The following MED12L variants were observed in gnomAD, a reference collection of about 807,000 sequenced individuals.
MED12L encodes the protein mediator complex subunit 12L.
Under a neutral mutation model 281.3 loss-of-function variants are expected in MED12L, and 60 were observed. That is an observed-to-expected ratio of 0.21 (90% confidence interval 0.17 to 0.26). The LOEUF is 0.26. MED12L is among the 10% of genes least tolerant of loss of function. The pLI, the probability that MED12L is intolerant of heterozygous loss-of-function variation, is 1.00. For synonymous variants in MED12L, 974 were observed against 987.2 expected, an observed-to-expected ratio of 0.99 and a Z score of 0.25; for missense variants, 2,146 against 2,680.9, an observed-to-expected ratio of 0.80 and a Z score of 4.41.
intron 3 of MED12L, among the ~76,000 whole-genome samples, chr3:151,121,303 T>C (rs1713715523): frequency 6.6e-6 from 1 of 152,234 alleles, no homozygotes; most frequent in South Asian, 2.1e-4. Flanking sequence ...ATGAAGTTGT[T>C]TGTATAAAAA....
intron 16 of MED12L, among the ~76,000 whole-genome samples, chr3:151,194,435 G>A (rs1355528894): frequency 1.3e-5 from 2 of 152,122 alleles, no homozygotes; most frequent in African/African-American, 4.8e-5. Context: ...TCTATAAATG[G>A]CAAGCCCTCA....
Position 151,198,431 on chromosome 3 carries a change from G to A in MED12L, c.2250+4765G>A, listed in dbSNP as rs758987046. 1.0e-5 allele frequency: 16 copies of A among 1,591,656 alleles called. No homozygotes were observed. Among genetic ancestry groups the A allele is most frequent in the Middle Eastern group, 3.3e-4 (2 of 5,998 alleles). ...TAGCACAAAAAATCCTGTCTTTTAT[G>A]CATTATTTTCACATCTTAATTTTTC... On this transcript the variant is annotated intron_variant, in intron 16 of 44. Transcript: ENST00000687756.
At chr3:151,221,184 G>GA (rs1295600019) in intron 16 of MED12L, among the ~76,000 whole-genome samples, 1 of 152,188 alleles carries the variant, frequency 6.6e-6, no homozygotes, top group African/African-American at 2.4e-5. Context: ...TCTAGCTGAA[G>GA]AAATTTCTAA....
chr3:151,164,430 T>A (rs1260205918), intron 9 of MED12L, among the ~76,000 whole-genome samples: 1 of 152,144 alleles, frequency 6.6e-6, no homozygotes, highest in Admixed American at 6.5e-5. Context: ...TGATTAATAT[T>A]TAGAATAAGA....
chr3:151,296,420 G>A (rs143663084), intron 16 of MED12L, among the ~76,000 whole-genome samples: 295 of 152,202 alleles, frequency 1.9e-3, no homozygotes, highest in Admixed American at 2.6e-3. Context: ...CGCTTCCCGC[G>A]GACTGCTCCA....
In MED12L at chr3:151,411,355, G is replaced by C; in HGVS notation, c.5988G>C (p.Val1996=). 1 of 1,614,156 alleles carries C rather than the reference G, an allele frequency of 6.2e-7. No individual in the cohort carries two copies. Among genetic ancestry groups the C allele is most frequent in the Non-Finnish European group, 8.5e-7 (1 of 1,180,032 alleles). Residue 1996 remains valine, a synonymous_variant, in exon 41 of 45, where the codon GTG becomes GTC. Transcript: ENST00000687756. ...QQTSQQQAGS[V]VLSPSYNSRA... ...CATCGCAGCAGCAGGCTGGCAGTGT[G>C]GTCCTGTCTCCCAGCTATAACTCCA...
At chr3:151,232,155 T>C (rs1415129825) in intron 16 of MED12L, among the ~76,000 whole-genome samples, 2 of 152,170 alleles carry the variant, frequency 1.3e-5, no homozygotes, top group Admixed American at 1.3e-4. Flanking sequence ...ATCCTTAAAA[T>C]TGATGTTTCT....
intron 5 of MED12L, among the ~76,000 whole-genome samples, chr3:151,148,507 C>T (rs1203444710): frequency 6.6e-6 from 1 of 152,130 alleles, no homozygotes; most frequent in African/African-American, 2.4e-5. Context: ...CCCTCTATGT[C>T]CTGCAGCTTT....
chr3:151,176,524 T>G (rs1039832941), intron 11 of MED12L, among the ~76,000 whole-genome samples: 1 of 152,150 alleles, frequency 6.6e-6, no homozygotes, highest in Non-Finnish European at 1.5e-5. Context: ...TTTTTTCTTT[T>G]ACTGCTTAAT....
intron 2 of MED12L, among the ~76,000 whole-genome samples, chr3:151,095,336 AT>A (rs984764388): frequency 4.0e-5 from 6 of 151,766 alleles, no homozygotes; most frequent in African/African-American, 1.5e-4. Context: ...ACTTAATTTC[AT>A]TTTTTTTCTT....
Position 151,377,115 on chromosome 3 carries a change from C to T in MED12L, c.4253C>T (p.Pro1418Leu). The stretch of plus-strand genomic sequence containing the variant: ...AATTCTGGCATGAGCCTCTTCAACC[C>T]AAACAGTATTGGAAGTGCTGATACA... ...SSNSGMSLFNPNSIGSADTSS... is the reference protein window; with the variant it reads ...SSNSGMSLFNLNSIGSADTSS... Residue 1418 changes from proline (P) to leucine (L), a missense_variant, in exon 30 of 45, where the codon CCA becomes CTA. Physicochemically the swap from Pro to Leu is moderately conservative, Grantham distance 98. Coordinates refer to ENST00000687756, the MANE Select transcript of MED12L (RefSeq NM_001393769.1). 2 of 1,614,016 alleles carry T rather than the reference C, an allele frequency of 1.2e-6. No individual in the cohort carries two copies. The highest frequency in any genetic ancestry group is 1.7e-6 in the Non-Finnish European group (2 of 1,179,942).
intron 11 of MED12L, among the ~76,000 whole-genome samples, chr3:151,169,283 T>C (rs943213507): frequency 6.6e-6 from 1 of 151,894 alleles, no homozygotes; most frequent in Non-Finnish European, 1.5e-5. Context: ...CACGCCCGGT[T>C]AATATTTTTA....
At chr3:151,337,773 G>A (rs1751205877) in intron 16 of MED12L, 1 of 1,591,202 alleles carries the variant, frequency 6.3e-7, no homozygotes. Flanking sequence ...GCTTTAACGA[G>A]TTCTGAACAC....
chr3:151,176,703 C>A (rs1304913848), intron 11 of MED12L, among the ~76,000 whole-genome samples: 2 of 152,086 alleles, frequency 1.3e-5, no homozygotes, highest in Admixed American at 6.6e-5. Flanking sequence ...ATATTTATTC[C>A]TGTCTCTTCT....
In MED12L at chr3:151,434,473, C is replaced by T. The variant is rs770864400; in HGVS notation, c.*1669C>T. 13 of 152,206 alleles carry T rather than the reference C, an allele frequency of 8.5e-5. No homozygotes were observed. The highest frequency in any genetic ancestry group is 2.6e-4 in the Admixed American group (4 of 15,282). The allele number at this position is 152,206 out of a possible 1,614,324, so 9.4% of individuals were successfully genotyped here. A position where few individuals can be genotyped will look rare whatever the true frequency, so the allele number is the denominator to read the frequency against. Reference sequence around the variant, plus strand: ...TGGGCTGGAAAAGACTTTGCCAAAACATTAAAAACTATTCTTTTCACTAAA... The same window carrying T: ...TGGGCTGGAAAAGACTTTGCCAAAATATTAAAAACTATTCTTTTCACTAAA... On this transcript the variant is annotated 3_prime_UTR_variant, in exon 45 of 45. Transcript: ENST00000687756.
chr3:151,217,962 C>T (rs1051833883), intron 16 of MED12L, among the ~76,000 whole-genome samples: 12 of 151,956 alleles, frequency 7.9e-5, no homozygotes, highest in Non-Finnish European at 1.5e-4. Context: ...GACCAAAAGG[C>T]AGGAATATGT....
intron 11 of MED12L, among the ~76,000 whole-genome samples, chr3:151,167,546 T>G (rs1237037303): frequency 1.3e-5 from 2 of 152,244 alleles, no homozygotes; most frequent in Non-Finnish European, 2.9e-5. Context: ...ATTATTCTTT[T>G]TGGAATAATT....
intron 40 of MED12L, among the ~76,000 whole-genome samples, chr3:151,410,749 GT>G (rs1366979210): frequency 6.6e-6 from 1 of 152,168 alleles, no homozygotes; most frequent in Non-Finnish European, 1.5e-5. Flanking sequence ...GGTATTAATA[GT>G]TTTTTGTTAT....
Position 151,376,705 on chromosome 3 carries a change from TCTG to T in MED12L, c.4054-92_4054-90del, listed in dbSNP as rs1016606607. On this transcript the variant is annotated intron_variant, in intron 28 of 44. Transcript: ENST00000687756. ...AAATTATTTCATTGTGTATGATTATTCTGCTCTTTCTTGAGAGAAGGAGTACTG... is the reference window on the plus strand; with the variant it reads ...AAATTATTTCATTGTGTATGATTATTCTCTTTCTTGAGAGAAGGAGTACTG... 2.4e-5 allele frequency: 24 copies of T among 998,572 alleles called. No individual in the cohort carries two copies. In the African/African-American group the frequency reaches 3.7e-4, roughly 16 times the overall value. 61.9% of individuals were successfully genotyped at this position (998,572 alleles called of 1,614,324 possible). A position where few individuals can be genotyped will look rare whatever the true frequency, so the allele number is the denominator to read the frequency against.
Sources: gnomAD v4.1 joint callset for allele counts (sites outside exome capture counted in the v4.1 genomes callset) on GRCh38, gnomAD v4.1.1 for gene constraint, MANE v1.5 for transcripts, NCBI Gene and HGNC (gene_info 2026-07-23, HGNC 2026-07-21) for gene names.